Variants in STARD3NL observed in about 807,000 individuals in gnomAD.
STARD3NL encodes the protein STARD3 N-terminal-like protein.
In STARD3NL, 17 loss-of-function variants were observed where a neutral mutation model predicts 30.9. That is an observed-to-expected ratio of 0.55 (90% CI 0.38 to 0.82). The LOEUF (loss-of-function observed/expected upper bound fraction) is 0.82, where lower values mean the gene tolerates loss of function less well. Ranked by LOEUF, STARD3NL falls within the 40% of genes least tolerant of loss-of-function variation. The pLI, the probability that STARD3NL is intolerant of heterozygous loss-of-function variation, is 0.00. For synonymous variants in STARD3NL, 112 were observed against 100.5 expected (o/e 1.11, Z -0.69); for missense variants, 234 against 277.6 (o/e 0.84, Z 1.12).
chr7:38,192,866 C>T (rs1309268607), intron 1 of STARD3NL, among the ~76,000 whole-genome samples: 4 of 130,670 alleles, frequency 3.1e-5, no homozygotes, highest in African/African-American at 5.3e-5. Context: ...CGGGCGCACA[C>T]TCCTCTCCTG....
chr7:38,188,974 A>G (rs996756220), intron 1 of STARD3NL, among the ~76,000 whole-genome samples: 1 of 152,238 alleles, frequency 6.6e-6, no homozygotes, highest in African/African-American at 2.4e-5. Context: ...GTTAATTTCT[A>G]AATCAATCTG....
intron 1 of STARD3NL, among the ~76,000 whole-genome samples, chr7:38,197,287 G>A (rs1024645046): frequency 6.7e-6 from 1 of 148,234 alleles, no homozygotes; most frequent in Non-Finnish European, 1.5e-5. Context: ...GTGCAGTGGC[G>A]TAATCTTAGC....
intron 1 of STARD3NL, among the ~76,000 whole-genome samples, chr7:38,183,276 AG>A (rs1289884675): frequency 6.6e-6 from 1 of 152,140 alleles, no homozygotes; most frequent in African/African-American, 2.4e-5. Context: ...GCTTTATTTC[AG>A]GGCCTCTGTT....
In STARD3NL at chr7:38,214,338, T is replaced by G; in HGVS notation, c.226-19T>G. 1 of 1,553,572 alleles carries G rather than the reference T, an allele frequency of 6.4e-7. No homozygotes were observed. Among genetic ancestry groups the G allele is most frequent in the Non-Finnish European group, 8.8e-7 (1 of 1,134,868 alleles). On this transcript the variant is annotated intron_variant, in intron 2 of 8. Coordinates refer to ENST00000009041, the MANE Select transcript of STARD3NL (RefSeq NM_032016.4). ...CACATAAACCTCTCCTTGTTTTTGC[T>G]TCTTACTCTCCTTTCTAGGTGAATG... is the stretch of plus-strand genomic sequence containing the variant.
Position 38,230,642 on chromosome 7 carries a change from C to A in STARD3NL, c.*737C>A, listed in dbSNP as rs1787047254. Reference sequence around the variant, plus strand: ...CATATCATGTTTCCTTTGCGTTCAGCCAATTTCAATTAAAATGAACTAAAT... The same window carrying A: ...CATATCATGTTTCCTTTGCGTTCAGACAATTTCAATTAAAATGAACTAAAT... On this transcript the variant is annotated 3_prime_UTR_variant, in exon 9 of 9. Coordinates refer to ENST00000009041, the MANE Select transcript of STARD3NL (RefSeq NM_032016.4). 1 of 152,160 alleles carries A rather than the reference C, an allele frequency of 6.6e-6. No homozygotes were observed. Among genetic ancestry groups the A allele is most frequent in the South Asian group, 2.1e-4 (1 of 4,834 alleles). 9.4% of individuals were successfully genotyped at this position (152,160 alleles called of 1,614,324 possible).
chr7:38,197,221 T>C (rs1332785840), intron 1 of STARD3NL, among the ~76,000 whole-genome samples: 1 of 133,306 alleles, frequency 7.5e-6, no homozygotes, highest in Non-Finnish European at 1.6e-5. Context: ...TCCCTCTCTC[T>C]TTCTTTCTTT....
intron 2 of STARD3NL, among the ~76,000 whole-genome samples, chr7:38,212,239 T>A (rs770495080): frequency 6.6e-6 from 1 of 152,208 alleles, no homozygotes; most frequent in Non-Finnish European, 1.5e-5. Flanking sequence ...TCAGACTTCC[T>A]CCCCACCCTC....
chr7:38,207,849 C>A (rs1785581556), intron 2 of STARD3NL, 120 bp downstream of exon 2: 2 of 955,994 alleles, frequency 2.1e-6, no homozygotes, highest in African/African-American at 1.7e-5. Context: ...CCAAATGAAG[C>A]CATTGCTTTT....
At chr7:38,182,736 G>A (rs1784301048) in intron 1 of STARD3NL, among the ~76,000 whole-genome samples, 1 of 152,202 alleles carries the variant, frequency 6.6e-6, no homozygotes, top group Non-Finnish European at 1.5e-5. Context: ...AGCTATTTAA[G>A]CCTGGAGGAT....
At position 38,217,422 on chromosome 7, in the gene STARD3NL, G is replaced by A. The variant is rs1275108881; in HGVS notation, c.553+117G>A. Reference sequence around the variant, plus strand: ...ATGGGTAGAGTTAGGCAGTGGTGGGGTCTTCATTCTTTAGTGGCTACAGCA... The same window carrying A: ...ATGGGTAGAGTTAGGCAGTGGTGGGATCTTCATTCTTTAGTGGCTACAGCA... On this transcript the variant is annotated intron_variant, in intron 6 of 8. Coordinates refer to ENST00000009041, the MANE Select transcript of STARD3NL (RefSeq NM_032016.4). 3.6e-5 allele frequency: 32 copies of A among 895,964 alleles called. 1 individual carries two copies. The South Asian group carries it at 4.8e-4, about 13-fold the overall frequency. 55.5% of individuals were successfully genotyped at this position (895,964 alleles called of 1,614,324 possible).
chr7:38,226,811 A>G (rs1367081599), intron 7 of STARD3NL, among the ~76,000 whole-genome samples: 1 of 152,074 alleles, frequency 6.6e-6, no homozygotes, highest in African/African-American at 2.4e-5. Context: ...CCCACTCCAA[A>G]CTAAGCGATC....
chr7:38,187,305 C>T (rs1280905004), intron 1 of STARD3NL, among the ~76,000 whole-genome samples: 1 of 152,210 alleles, frequency 6.6e-6, no homozygotes, highest in Non-Finnish European at 1.5e-5. Context: ...TTGTCAAATG[C>T]CTTTCTTCTT....
chr7:38,183,437 A>G (rs1430694703), intron 1 of STARD3NL, among the ~76,000 whole-genome samples: 2 of 152,204 alleles, frequency 1.3e-5, no homozygotes, highest in African/African-American at 4.8e-5. Flanking sequence ...TATTTCCTGC[A>G]TAGCATTTAG....
intron 4 of STARD3NL, 25 bp from the exon 5 acceptor site, chr7:38,217,000 C>T (rs760910603): frequency 1.3e-5 from 21 of 1,613,268 alleles, no homozygotes; most frequent in Admixed American, 1.7e-5. Flanking sequence ...CTAGTGTGAA[C>T]AGTGCTGGAT....
intron 6 of STARD3NL, among the ~76,000 whole-genome samples, chr7:38,218,100 A>G (rs548845272): frequency 3.9e-5 from 6 of 152,280 alleles, no homozygotes; most frequent in African/African-American, 9.6e-5. Flanking sequence ...GGAAGCCCAC[A>G]TGCCCCACCC....
At chr7:38,196,124 AC>A (rs1784888913) in intron 1 of STARD3NL, among the ~76,000 whole-genome samples, 1 of 152,254 alleles carries the variant, frequency 6.6e-6, no homozygotes, top group Non-Finnish European at 1.5e-5. Context: ...GTAAAATGTT[AC>A]ATCTTAATCA....
chr7:38,179,339 G>A (rs1336316686), intron 1 of STARD3NL, among the ~76,000 whole-genome samples: 1 of 152,160 alleles, frequency 6.6e-6, no homozygotes, highest in East Asian at 1.9e-4. Context: ...ATAAGGTGGT[G>A]GATTATTCAT....
chr7:38,201,583 G>A (rs1785176987), intron 1 of STARD3NL: 1 of 152,134 alleles, frequency 6.6e-6, no homozygotes, highest in Admixed American at 6.5e-5. Flanking sequence ...TTAAAATATA[G>A]CTGCTAATTA....
intron 1 of STARD3NL, among the ~76,000 whole-genome samples, chr7:38,195,224 T>C (rs1784851700): frequency 4.6e-5 from 7 of 152,170 alleles, no homozygotes; most frequent in Admixed American, 4.6e-4. Context: ...GCTTGGCTAA[T>C]TTTTATATTT....
Sources: allele counts gnomAD v4.1 joint callset (sites outside exome capture counted in the v4.1 genomes callset), GRCh38; gene constraint gnomAD v4.1.1; transcripts MANE v1.5; gene names NCBI Gene and HGNC (gene_info 2026-07-23, HGNC 2026-07-21).